Variants in CCDC73 observed in about 807,000 individuals in gnomAD.
CCDC73 encodes the protein coiled-coil domain-containing protein 73.
In CCDC73, 95 loss-of-function variants were observed where a neutral mutation model predicts 116.5. The observed-to-expected ratio is 0.82, with a 90% CI of 0.69 to 0.97. CCDC73 has a LOEUF of 0.97. Ranked by LOEUF, CCDC73 falls within the 50% of genes least tolerant of loss-of-function variation. The pLI is 0.00. For missense variants in CCDC73, 1,066 were observed against 1,206.8 expected (o/e 0.88, Z 1.73); for synonymous variants, 398 against 401.3 (o/e 0.99, Z 0.10).
chr11:32,666,208 C>A (rs1855979767), intron 9 of CCDC73, among the ~76,000 whole-genome samples: 1 of 152,132 alleles, frequency 6.6e-6, no homozygotes, highest in Non-Finnish European at 1.5e-5. Flanking sequence ...TGTTGGCCTG[C>A]CTTGCTAGGT....
intron 17 of CCDC73, chr11:32,603,919 T>C (rs1565053144): frequency 6.6e-6 from 1 of 151,990 alleles, no homozygotes; most frequent in Non-Finnish European, 1.5e-5. Context: ...TACCAAAAAT[T>C]AGCTGGGCAT....
At chr11:32,789,046 A>T (rs1172454675) in intron 1 of CCDC73, among the ~76,000 whole-genome samples, 1 of 152,220 alleles carries the variant, frequency 6.6e-6, no homozygotes, top group South Asian at 2.1e-4. Context: ...TTCAACAGCA[A>T]ATTAGATAAG....
At chr11:32,712,737 T>C (rs1295939330) in intron 3 of CCDC73, among the ~76,000 whole-genome samples, 1 of 151,548 alleles carries the variant, frequency 6.6e-6, no homozygotes, top group East Asian at 1.9e-4. Flanking sequence ...TATGTACATG[T>C]ATATACTAAT....
intron 9 of CCDC73, among the ~76,000 whole-genome samples, chr11:32,656,692 T>C (rs548865458): frequency 6.6e-6 from 1 of 152,218 alleles, no homozygotes; most frequent in Non-Finnish European, 1.5e-5. Flanking sequence ...TGCTATAGTC[T>C]TGGATACTGC....
chr11:32,676,052 C>T (rs35630681), intron 7 of CCDC73, 31 bp from the exon 8 acceptor site: 115,935 of 1,535,570 alleles, frequency 0.075, 4,897 homozygotes, highest in Middle Eastern at 0.12. Flanking sequence ...AAATGTTATA[C>T]ATATAACACA....
At position 32,778,759 on chromosome 11, in the gene CCDC73, A is replaced by T. The variant is rs114798911; in HGVS notation, c.-16+15854T>A. ...CCTTGCAGTCAGCTGAGATCATGCC[A>T]TTGCACTCTAGCCTGGGGGACAAGA... is the stretch of plus-strand genomic sequence containing the variant. On this transcript the variant is annotated intron_variant, in intron 1 of 17. Transcript: ENST00000335185. Among the ~76,000 whole-genome samples, 1,097 of 152,222 alleles carry T rather than the reference A, an allele frequency of 7.2e-3. 17 individuals carry two copies. The highest frequency in any genetic ancestry group is 0.025 in the African/African-American group (1,057 of 41,540).
At chr11:32,609,772 G>T (rs1266112200) in intron 17 of CCDC73, among the ~76,000 whole-genome samples, 1 of 151,966 alleles carries the variant, frequency 6.6e-6, no homozygotes, top group Non-Finnish European at 1.5e-5. Flanking sequence ...ATGGTGGAAG[G>T]CAAAGGCAAT....
chr11:32,607,831 A>G (rs954937768), intron 17 of CCDC73, among the ~76,000 whole-genome samples: 1 of 152,134 alleles, frequency 6.6e-6, no homozygotes, highest in African/African-American at 2.4e-5. Context: ...GATAGGTTTA[A>G]CGGACTTACA....
intron 1 of CCDC73, among the ~76,000 whole-genome samples, chr11:32,783,906 G>T (rs1424008507): frequency 6.6e-6 from 1 of 152,126 alleles, no homozygotes; most frequent in Non-Finnish European, 1.5e-5. Context: ...AGATTAAAGT[G>T]GTTTAATAGG....
intron 14 of CCDC73, among the ~76,000 whole-genome samples, chr11:32,620,124 A>G (rs1855510529): frequency 6.6e-6 from 1 of 152,296 alleles, no homozygotes; most frequent in East Asian, 1.9e-4. Flanking sequence ...GTTCTGACTC[A>G]GCATCTCTTT....
intron 6 of CCDC73, among the ~76,000 whole-genome samples, chr11:32,691,673 C>G (rs1033993431): frequency 6.6e-6 from 1 of 152,006 alleles, no homozygotes; most frequent in East Asian, 1.9e-4. Context: ...ATTCTCTTGA[C>G]AAGCCACAGA....
At chr11:32,642,109 A>C (rs778993381) in intron 12 of CCDC73, 27 bp from the exon 13 acceptor site, 3 of 1,505,388 alleles carry the variant, frequency 2.0e-6, no homozygotes, top group Non-Finnish European at 8.9e-7. Context: ...TATCCAAAAA[A>C]TAATCAATAC....
intron 1 of CCDC73, among the ~76,000 whole-genome samples, chr11:32,761,720 A>G (rs975430517): frequency 1.3e-5 from 2 of 152,162 alleles, no homozygotes; most frequent in African/African-American, 4.8e-5. Flanking sequence ...GTGTATGTAT[A>G]TATGTGCAAA....
chr11:32,790,728 T>C (rs1850667826), intron 1 of CCDC73, among the ~76,000 whole-genome samples: 1 of 152,076 alleles, frequency 6.6e-6, no homozygotes, highest in Non-Finnish European at 1.5e-5. Context: ...AGTTAAAACA[T>C]GAACTGTATA....
At chr11:32,777,051 CTT>C (rs1354272316) in intron 1 of CCDC73, among the ~76,000 whole-genome samples, 1 of 130,854 alleles carries the variant, frequency 7.6e-6, no homozygotes, top group Non-Finnish European at 1.6e-5. Context: ...AAGTCTTAGA[CTT>C]GAGAAAAAAC....
At chr11:32,630,116 T>C (rs1185301804) in intron 14 of CCDC73, among the ~76,000 whole-genome samples, 1 of 152,120 alleles carries the variant, frequency 6.6e-6, no homozygotes, top group Admixed American at 6.5e-5. Context: ...TAATATATGG[T>C]AGGTTTTATA....
At chr11:32,660,978 A>C (rs1288754317) in intron 9 of CCDC73, among the ~76,000 whole-genome samples, 2 of 152,222 alleles carry the variant, frequency 1.3e-5, no homozygotes, top group South Asian at 2.1e-4. Context: ...CAGAAGAAAA[A>C]GAAACATCAT....
chr11:32,724,167 C>T (rs886896466), intron 2 of CCDC73, among the ~76,000 whole-genome samples: 14 of 151,906 alleles, frequency 9.2e-5, no homozygotes, highest in Non-Finnish European at 1.9e-4. Context: ...ATGTTATTTA[C>T]CACATATTAT....
At chr11:32,643,855 C>T (rs113424500) in intron 12 of CCDC73, among the ~76,000 whole-genome samples, 2 of 151,990 alleles carry the variant, frequency 1.3e-5, no homozygotes, top group Non-Finnish European at 2.9e-5. Flanking sequence ...ATAAATCAAG[C>T]TTAGTTGACT....
Sources: allele counts gnomAD v4.1 joint callset (sites outside exome capture counted in the v4.1 genomes callset), GRCh38; gene constraint gnomAD v4.1.1; transcripts MANE v1.5; gene names NCBI Gene and HGNC (gene_info 2026-07-23, HGNC 2026-07-21).